Variants in MYO10 observed in about 807,000 individuals in gnomAD.
The protein encoded by MYO10 is unconventional myosin-X.
A neutral mutation model predicts 257.3 loss-of-function variants in MYO10; 133 were observed. That is an observed-to-expected ratio of 0.52 (90% CI 0.45 to 0.60). The LOEUF (loss-of-function observed/expected upper bound fraction) is 0.60. Among genes scored for constraint, MYO10 ranks in the 20% least tolerant of loss-of-function variants. The pLI is 0.00. For synonymous variants in MYO10, 1,104 were observed against 1,028.6 expected, an observed-to-expected ratio of 1.07 and a Z score of -1.40; for missense variants, 2,399 against 2,635.7, an observed-to-expected ratio of 0.91 and a Z score of 1.97.
Position 16,777,839 on chromosome 5 carries a change from C to CTTTTTTTTTTTTTTT in MYO10, c.930+1691_930+1705dup, listed in dbSNP as rs61326508. 2.3e-4 allele frequency among the ~76,000 whole-genome samples: 20 copies of CTTTTTTTTTTTTTTT among 88,476 alleles called. 2 individuals are homozygous for CTTTTTTTTTTTTTTT. The highest frequency in any genetic ancestry group is 9.1e-4 in the African/African-American group (17 of 18,650). 58.0% of individuals were successfully genotyped at this position (88,476 alleles called of 152,430 possible). ...GCCACCCTAGGTGCATTGCATCTAA[C>CTTTTTTTTTTTTTTT]TTTTTTTTTTTTTTTTTTTTTTTTT... is the stretch of plus-strand genomic sequence containing the variant. On this transcript the variant is annotated intron_variant, in intron 9 of 40. Transcript: ENST00000513610.
chr5:16,670,586 G>A lies in MYO10; in HGVS notation c.5823C>T (p.Ala1941=), dbSNP rs535133241. ...FQGMNQEQAM[A]KYMALIKEWP... ...ACTCCTTGATCAAGGCCATGTACTT[G>A]GCCATGGCCTGTTCCTGGTTCATTC... Residue 1941 remains alanine, a synonymous_variant, in exon 39 of 41, where the codon GCC becomes GCT. Coordinates refer to ENST00000513610, the MANE Select transcript of MYO10 (RefSeq NM_012334.3). 6.7e-4 allele frequency: 1,076 copies of A among 1,613,942 alleles called. 19 individuals carry two copies. In the South Asian group the frequency reaches 0.011, roughly 17 times the overall value.
rs144278435 is a variant in MYO10, at chr5:16,888,935, G to A, written c.22-11228C>T. Among the ~76,000 whole-genome samples the A allele has an allele frequency of 2.2e-3, 332 of 152,228 alleles. 2 individuals are homozygous for A. The highest frequency in any genetic ancestry group is 7.5e-3 in the African/African-American group (313 of 41,540). On this transcript the variant is annotated intron_variant, in intron 1 of 40. Coordinates refer to ENST00000513610, the MANE Select transcript of MYO10 (RefSeq NM_012334.3). ...GCCTGGAATCCCAGCACTTTTGAGA[G>A]GCTGAGGTGGGAGGATCGTTTGAGC...
At chr5:16,822,461 G>C (rs1298504437) in intron 2 of MYO10, among the ~76,000 whole-genome samples, 4 of 152,118 alleles carry the variant, frequency 2.6e-5, no homozygotes, top group African/African-American at 9.7e-5. Flanking sequence ...CGCAGGTGGT[G>C]ATGGAGTCTA....
chr5:16,863,351 T>A (rs181751833), intron 2 of MYO10, among the ~76,000 whole-genome samples: 1 of 151,364 alleles, frequency 6.6e-6, no homozygotes, highest in Admixed American at 6.6e-5. Context: ...GCAAAAGCCA[T>A]GTTCTAGGAA....
chr5:16,875,136 A>G (rs953496450), intron 2 of MYO10, among the ~76,000 whole-genome samples: 3 of 152,220 alleles, frequency 2.0e-5, no homozygotes, highest in Admixed American at 1.3e-4. Flanking sequence ...ATACAATTCA[A>G]GTTGATATTT....
intron 1 of MYO10, among the ~76,000 whole-genome samples, chr5:16,881,022 T>A (rs150545590): frequency 1.3e-5 from 2 of 152,090 alleles, no homozygotes; most frequent in Non-Finnish European, 2.9e-5. Context: ...GCAATGAAAA[T>A]GTTCAAAGTG....
At chr5:16,690,015 ACTGT>A (rs1737424785) in intron 27 of MYO10, 96 bp from the exon 28 acceptor site, 1 of 864,646 alleles carries the variant, frequency 1.2e-6, no homozygotes, top group Non-Finnish European at 1.9e-6. Flanking sequence ...AGAGTTGGGA[ACTGT>A]CTGTTACTGA....
In MYO10 at chr5:16,839,608, TG is replaced by T. The variant is rs1743414251; in HGVS notation, c.121-21442del. Among the ~76,000 whole-genome samples the T allele has an allele frequency of 2.6e-5, 4 of 152,128 alleles. No individual in the cohort carries two copies. The South Asian group carries it at 8.3e-4, about 32-fold the overall frequency. ...AAATACAAAAATTAGCCAGGCACGG[TG>T]GCGTATGCCTGCAGTCCCAGCTACT... is the stretch of plus-strand genomic sequence containing the variant. On this transcript the variant is annotated intron_variant, in intron 2 of 40. Transcript: ENST00000513610.
At chr5:16,758,827 C>G (rs1298003097) in intron 17 of MYO10, among the ~76,000 whole-genome samples, 3 of 152,124 alleles carry the variant, frequency 2.0e-5, no homozygotes, top group African/African-American at 7.2e-5. Flanking sequence ...AGAAAGCATG[C>G]TACCTGGCAT....
chr5:16,714,275 A>C (rs756613050), intron 19 of MYO10, among the ~76,000 whole-genome samples: 1 of 151,922 alleles, frequency 6.6e-6, no homozygotes, highest in Non-Finnish European at 1.5e-5. Flanking sequence ...AAAATGCTGG[A>C]GGGAAGGGGC....
intron 34 of MYO10, among the ~76,000 whole-genome samples, chr5:16,675,651 C>T (rs553123640): frequency 1.2e-4 from 19 of 152,094 alleles, no homozygotes; most frequent in African/African-American, 2.9e-4. Context: ...GGCATGAGAA[C>T]GACCTTAACC....
chr5:16,799,652 C>T (rs1298752984), intron 3 of MYO10, among the ~76,000 whole-genome samples: 1 of 152,036 alleles, frequency 6.6e-6, no homozygotes, highest in African/African-American at 2.4e-5. Flanking sequence ...GCCCCTACGC[C>T]CACCTAATTT....
intron 2 of MYO10, 127 bp downstream of exon 2, chr5:16,877,482 G>A (rs891574584): frequency 3.0e-6 from 2 of 674,308 alleles, no homozygotes; most frequent in East Asian, 2.7e-5. Context: ...CTGGGATTTT[G>A]AATTATCACT....
intron 2 of MYO10, among the ~76,000 whole-genome samples, chr5:16,845,518 C>A (rs1221341284): frequency 6.6e-6 from 1 of 152,042 alleles, no homozygotes; most frequent in Non-Finnish European, 1.5e-5. Context: ...AAATGTAAAA[C>A]TTAGCCGGCG....
chr5:16,868,340 C>T (rs1744344659), intron 2 of MYO10, among the ~76,000 whole-genome samples: 1 of 152,168 alleles, frequency 6.6e-6, no homozygotes, highest in African/African-American at 2.4e-5. Flanking sequence ...CACGGTGGCT[C>T]ATGTCTGTAA....
chr5:16,680,930 C>G (rs572749184), intron 32 of MYO10, among the ~76,000 whole-genome samples: 1 of 152,138 alleles, frequency 6.6e-6, no homozygotes, highest in Non-Finnish European at 1.5e-5. Context: ...CCCTGGAAGG[C>G]TGTAGTGAAC....
intron 15 of MYO10, 40 bp downstream of exon 15, chr5:16,762,505 G>T: frequency 6.8e-7 from 1 of 1,477,846 alleles, no homozygotes. Flanking sequence ...CCACAGACGT[G>T]CTACTCCAAT....
chr5:16,891,378 A>AGGAAG (rs1554006641), intron 1 of MYO10, among the ~76,000 whole-genome samples: 2 of 96,400 alleles, frequency 2.1e-5, no homozygotes, highest in African/African-American at 5.0e-5. Context: ...GAAGGAAGGA[A>AGGAAG]GGAGAGAGAG....
intron 19 of MYO10, among the ~76,000 whole-genome samples, chr5:16,724,304 T>C (rs1739269996): frequency 6.6e-6 from 1 of 152,172 alleles, no homozygotes; most frequent in African/African-American, 2.4e-5. Context: ...ACTGTACATG[T>C]ACACTGGAAT....
Sources: gnomAD v4.1 joint callset for allele counts (sites outside exome capture counted in the v4.1 genomes callset) on GRCh38, gnomAD v4.1.1 for gene constraint, MANE v1.5 for transcripts, NCBI Gene and HGNC (gene_info 2026-07-23, HGNC 2026-07-21) for gene names.